CAP2: variants seen among roughly 807,000 people sequenced by gnomAD.
CAP2 encodes the protein cyclase associated actin cytoskeleton regulatory protein 2.
In CAP2, 24 loss-of-function variants were observed where a neutral mutation model predicts 57.7. The observed-to-expected ratio is 0.42, with a 90% CI of 0.30 to 0.58. The LOEUF (loss-of-function observed/expected upper bound fraction) is 0.58. CAP2 is among the 20% of genes least tolerant of loss of function. The pLI is 0.22. For synonymous variants in CAP2, 194 were observed against 207.2 expected (o/e 0.94, Z 0.55); for missense variants, 501 against 590.3 (o/e 0.85, Z 1.57).
intron 2 of CAP2, 145 bp from the exon 3 acceptor site, chr6:17,426,444 AG>A (rs532630963): frequency 3.3e-6 from 2 of 611,390 alleles, no homozygotes; most frequent in Non-Finnish European, 6.1e-6. Flanking sequence ...CATGTTGTCC[AG>A]GCTGGTCTTA....
At chr6:17,464,752 C>A (rs941469600) in intron 4 of CAP2, among the ~76,000 whole-genome samples, 4 of 152,222 alleles carry the variant, frequency 2.6e-5, no homozygotes, top group Non-Finnish European at 5.9e-5. Flanking sequence ...CCGTGTTCCA[C>A]CATGGATGCA....
At chr6:17,520,809 A>G (rs1762372885) in intron 7 of CAP2, among the ~76,000 whole-genome samples, 1 of 152,142 alleles carries the variant, frequency 6.6e-6, no homozygotes, top group Non-Finnish European at 1.5e-5. Context: ...TCCTCTTGCT[A>G]TTTACAAGAG....
intron 4 of CAP2, among the ~76,000 whole-genome samples, chr6:17,473,315 T>A (rs981024494): frequency 1.4e-4 from 21 of 152,340 alleles, no homozygotes; most frequent in Admixed American, 1.2e-3. Flanking sequence ...AGGGAATTTT[T>A]TATTCTCCAT....
At chr6:17,516,888 A>G (rs1762284289) in intron 7 of CAP2, among the ~76,000 whole-genome samples, 1 of 151,888 alleles carries the variant, frequency 6.6e-6, no homozygotes, top group Non-Finnish European at 1.5e-5. Flanking sequence ...TACTTCGCCT[A>G]TTTTCTCCAT....
intron 3 of CAP2, among the ~76,000 whole-genome samples, chr6:17,439,190 G>A (rs571762739): frequency 2.3e-4 from 34 of 150,150 alleles, no homozygotes; most frequent in Non-Finnish European, 4.4e-4. Flanking sequence ...CTTTATTTTT[G>A]ACACATAAAT....
intron 1 of CAP2, among the ~76,000 whole-genome samples, chr6:17,416,782 A>G (rs141317350): frequency 1.3e-5 from 2 of 152,334 alleles, no homozygotes; most frequent in East Asian, 3.9e-4. Flanking sequence ...AATTATGTGC[A>G]TGTCTAGCTT....
At chr6:17,497,386 TC>T (rs1761695648) in intron 4 of CAP2, among the ~76,000 whole-genome samples, 1 of 152,250 alleles carries the variant, frequency 6.6e-6, no homozygotes, top group Non-Finnish European at 1.5e-5. Flanking sequence ...AGAGTTGGTA[TC>T]TTCTCAGCTG....
intron 3 of CAP2, among the ~76,000 whole-genome samples, chr6:17,430,627 C>T (rs1310407727): frequency 6.6e-6 from 1 of 151,964 alleles, no homozygotes; most frequent in African/African-American, 2.4e-5. Context: ...CAACCTCCAC[C>T]TCCCGGGTTC....
At chr6:17,461,992 CAAAAAAAAAAAAAAA>C (rs567675285) in intron 3 of CAP2, among the ~76,000 whole-genome samples, 12 of 27,844 alleles carry the variant, frequency 4.3e-4, no homozygotes, top group South Asian at 5.6e-3. Flanking sequence ...GACTCCGTCT[CAAAAAAAAAAAAAAA>C]AAAAAAAAAA....
intron 1 of CAP2, among the ~76,000 whole-genome samples, chr6:17,408,968 C>CGAGAAAACT (rs1759064567): frequency 1.3e-5 from 2 of 151,716 alleles, no homozygotes. Flanking sequence ...CACGCTCAGC[C>CGAGAAAACT]CTATGATGAT....
At chr6:17,418,251 C>A (rs770568601) in intron 1 of CAP2, among the ~76,000 whole-genome samples, 10 of 152,154 alleles carry the variant, frequency 6.6e-5, no homozygotes, top group Non-Finnish European at 1.5e-4. Context: ...TATAGTCTTT[C>A]TTTTATTTAT....
Position 17,438,690 on chromosome 6 carries a change from C to T in CAP2, c.222+12000C>T, listed in dbSNP as rs529768312. On this transcript the variant is annotated intron_variant, in intron 3 of 12. Coordinates refer to ENST00000229922, the MANE Select transcript of CAP2 (RefSeq NM_006366.3). Reference sequence around the variant, plus strand: ...TCCTGACCTTGTGATCCGCCCACCTCGGCCTCCCAAAGTGCTGGGATTATA... The same window carrying T: ...TCCTGACCTTGTGATCCGCCCACCTTGGCCTCCCAAAGTGCTGGGATTATA... Among the ~76,000 whole-genome samples, 1,109 of 148,658 alleles carry T rather than the reference C, an allele frequency of 7.5e-3. 14 individuals are homozygous for T. The highest frequency in any genetic ancestry group is 0.013 in the Non-Finnish European group (852 of 67,508).
intron 3 of CAP2, among the ~76,000 whole-genome samples, chr6:17,449,084 G>A (rs1760338353): frequency 6.6e-6 from 1 of 152,126 alleles, no homozygotes; most frequent in Non-Finnish European, 1.5e-5. Flanking sequence ...TTTAATGACT[G>A]TATAGTATTT....
Position 17,532,752 on chromosome 6 carries a change from C to A in CAP2, c.637-6517C>A, listed in dbSNP as rs114928202. On this transcript the variant is annotated intron_variant, in intron 7 of 12. Coordinates refer to ENST00000229922, the MANE Select transcript of CAP2 (RefSeq NM_006366.3). ...GACTGAGCGATACTAAAAAAAAAAA[C>A]ACACACACACAAAAAAAACTGGAAG... Among the ~76,000 whole-genome samples the A allele has an allele frequency of 5.9e-3, 656 of 110,328 alleles. 3 individuals are homozygous for A. The highest frequency in any genetic ancestry group is 0.019 in the African/African-American group (537 of 28,516). 72.4% of individuals were successfully genotyped at this position (110,328 alleles called of 152,430 possible). A position where few individuals can be genotyped will look rare whatever the true frequency, so the allele number is the denominator to read the frequency against.
At chr6:17,484,268 T>C (rs1272991122) in intron 4 of CAP2, among the ~76,000 whole-genome samples, 1 of 152,210 alleles carries the variant, frequency 6.6e-6, no homozygotes, top group African/African-American at 2.4e-5. Flanking sequence ...ATCATTTCCA[T>C]AGCAGTTGCA....
intron 1 of CAP2, among the ~76,000 whole-genome samples, chr6:17,413,032 G>C (rs1222189409): frequency 6.6e-6 from 1 of 152,122 alleles, no homozygotes; most frequent in African/African-American, 2.4e-5. Context: ...TGGGACTTGG[G>C]GAGTTGTCCC....
intron 3 of CAP2, among the ~76,000 whole-genome samples, chr6:17,440,726 T>C (rs113813960): frequency 0.021 from 3,105 of 151,050 alleles, 238 homozygotes; most frequent in African/African-American, 0.071. Flanking sequence ...AACATGCAGG[T>C]TTGTTACATA....
rs373270308 is a variant in CAP2, at chr6:17,414,007, TTG to T, written c.-1-7545_-1-7544del. Among the ~76,000 whole-genome samples, 32 of 151,892 alleles carry T rather than the reference TTG, an allele frequency of 2.1e-4. No individual in the cohort carries two copies. The Middle Eastern group carries it at 0.017, about 81-fold the overall frequency. On this transcript the variant is annotated intron_variant, in intron 1 of 12. Coordinates refer to ENST00000229922, the MANE Select transcript of CAP2 (RefSeq NM_006366.3). ...AGGCGGAGATTGCAGTGAGCCAAGA[TTG>T]TGCCATTGCACTCCAGCTTGGGTGA...
chr6:17,462,496 G>A (rs564854058), intron 3 of CAP2, among the ~76,000 whole-genome samples: 17 of 152,012 alleles, frequency 1.1e-4, no homozygotes, highest in Non-Finnish European at 1.9e-4. Flanking sequence ...ACTATTTCCC[G>A]AACATTTTCA....
Sources: allele counts gnomAD v4.1 joint callset (sites outside exome capture counted in the v4.1 genomes callset), GRCh38; gene constraint gnomAD v4.1.1; transcripts MANE v1.5; gene names NCBI Gene and HGNC (gene_info 2026-07-23, HGNC 2026-07-21).